SPOCK3: variants seen among roughly 807,000 people sequenced by gnomAD.
The protein encoded by SPOCK3 is testican-3.
Under a neutral mutation model 56.6 loss-of-function variants are expected in SPOCK3, and 30 were observed. The observed-to-expected ratio is 0.53, with a 90% confidence interval of 0.40 to 0.72. The LOEUF is 0.72. Among genes scored for constraint, SPOCK3 ranks in the 30% least tolerant of loss-of-function variants. SPOCK3 has a pLI of 0.00. For synonymous variants in SPOCK3, 196 were observed against 183.3 expected (o/e 1.07, Z -0.56); for missense variants, 527 against 530.0 (o/e 0.99, Z 0.06).
intron 2 of SPOCK3, among the ~76,000 whole-genome samples, chr4:167,211,727 C>A (rs1334924861): frequency 1.3e-5 from 2 of 152,186 alleles, no homozygotes; most frequent in East Asian, 3.8e-4. Context: ...GTTCATTAAA[C>A]CTCTTTCTTT....
At chr4:167,044,105 G>T (rs1346050189) in intron 3 of SPOCK3, among the ~76,000 whole-genome samples, 2 of 151,884 alleles carry the variant, frequency 1.3e-5, no homozygotes, top group Non-Finnish European at 2.9e-5. Flanking sequence ...ATTAATTTTT[G>T]ACTCAACATC....
intron 8 of SPOCK3, among the ~76,000 whole-genome samples, chr4:166,743,150 T>G (rs745959001): frequency 6.6e-6 from 1 of 152,076 alleles, no homozygotes; most frequent in African/African-American, 2.4e-5. Flanking sequence ...GAAAGCAGTT[T>G]AGTGCATTTT....
At chr4:166,897,860 T>C (rs929763612) in intron 5 of SPOCK3, among the ~76,000 whole-genome samples, 1 of 152,044 alleles carries the variant, frequency 6.6e-6, no homozygotes, top group African/African-American at 2.4e-5. Context: ...TGAACAAGGG[T>C]AGTGAAAGGC....
intron 5 of SPOCK3, among the ~76,000 whole-genome samples, chr4:166,911,573 T>C (rs901602681): frequency 6.6e-6 from 1 of 152,318 alleles, no homozygotes; most frequent in African/African-American, 2.4e-5. Context: ...GTTTTGCTCT[T>C]ATTGCCCAGG....
intron 6 of SPOCK3, among the ~76,000 whole-genome samples, 198 bp downstream of exon 6, chr4:166,888,927 CAAAAT>C (rs1734478098): frequency 6.6e-6 from 1 of 151,710 alleles, no homozygotes; most frequent in Non-Finnish European, 1.5e-5. Context: ...TTATTACTAT[CAAAAT>C]AAATAGAAAT....
At chr4:166,870,439 G>A (rs1173058038) in intron 6 of SPOCK3, among the ~76,000 whole-genome samples, 2 of 151,690 alleles carry the variant, frequency 1.3e-5, no homozygotes, top group East Asian at 3.9e-4. Context: ...CGTTCACCAA[G>A]ACAGAATACA....
intron 3 of SPOCK3, among the ~76,000 whole-genome samples, chr4:167,043,070 T>C (rs1329001507): frequency 6.6e-6 from 1 of 152,122 alleles, no homozygotes; most frequent in Admixed American, 6.6e-5. Flanking sequence ...GGTGGCATTA[T>C]ATAGCATGGA....
intron 3 of SPOCK3, among the ~76,000 whole-genome samples, chr4:167,011,703 A>G (rs1221266963): frequency 6.6e-6 from 1 of 152,054 alleles, no homozygotes; most frequent in Non-Finnish European, 1.5e-5. Context: ...ATAAACATCA[A>G]CTCATCAGCA....
In SPOCK3 at chr4:166,761,926, AT is replaced by A. The variant is rs1471668540; in HGVS notation, c.710-7198del. Among the ~76,000 whole-genome samples, 2 of 148,660 alleles carry A rather than the reference AT, an allele frequency of 1.3e-5. 1 individual carries two copies. Among genetic ancestry groups the A allele is most frequent in the Non-Finnish European group, 3.0e-5 (2 of 67,158 alleles). ...AAAAAAAAAAAAAAAAAAAAAAGAG[AT>A]TTGGGGGCTTGAAAAATTTACAATT... On this transcript the variant is annotated intron_variant, in intron 7 of 10. Transcript: ENST00000357545.
rs141923568 is a variant in SPOCK3, at chr4:166,792,703, ATAAT to A, written c.590-418_590-415del. ...TACCTCTTGTAAGATGTCACAATTT[ATAAT>A]TATTTATTCATATACTCAGTATATG... is the stretch of plus-strand genomic sequence containing the variant. On this transcript the variant is annotated intron_variant, in intron 6 of 10. Coordinates refer to ENST00000357545, the MANE Select transcript of SPOCK3 (RefSeq NM_001040159.2). Among the ~76,000 whole-genome samples the A allele has an allele frequency of 7.3e-3, 1,119 of 152,270 alleles. 9 individuals are homozygous for A. Among genetic ancestry groups the A allele is most frequent in the Non-Finnish European group, 0.012 (805 of 67,998 alleles).
chr4:167,053,887 G>T (rs77264133), intron 3 of SPOCK3, among the ~76,000 whole-genome samples: 8,303 of 151,916 alleles, frequency 0.055, 336 homozygotes, highest in African/African-American at 0.11. Context: ...CCCCAAAAAC[G>T]TGGAGGAGCA....
At chr4:166,828,767 C>G (rs1421319895) in intron 6 of SPOCK3, among the ~76,000 whole-genome samples, 1 of 151,990 alleles carries the variant, frequency 6.6e-6, no homozygotes, top group Non-Finnish European at 1.5e-5. Context: ...ATCACATACA[C>G]AGTGACTGTG....
intron 4 of SPOCK3, among the ~76,000 whole-genome samples, chr4:166,954,426 T>C (rs1743131337): frequency 6.6e-6 from 1 of 152,168 alleles, no homozygotes; most frequent in South Asian, 2.1e-4. Context: ...TCTAGTAGTT[T>C]CATAGTTTCT....
At chr4:166,964,816 C>T (rs181931003) in intron 4 of SPOCK3, among the ~76,000 whole-genome samples, 29 of 151,782 alleles carry the variant, frequency 1.9e-4, no homozygotes, top group African/African-American at 6.7e-4. Flanking sequence ...TAAGGAAATA[C>T]ATTTTATTTT....
intron 4 of SPOCK3, among the ~76,000 whole-genome samples, chr4:166,955,641 A>G (rs1186165860): frequency 1.4e-5 from 2 of 146,526 alleles, no homozygotes; most frequent in African/African-American, 4.9e-5. Flanking sequence ...ATTATATTAA[A>G]TTTAATTATA....
chr4:166,947,095 T>C (rs1357493399), intron 4 of SPOCK3, among the ~76,000 whole-genome samples: 1 of 152,152 alleles, frequency 6.6e-6, no homozygotes, highest in African/African-American at 2.4e-5. Flanking sequence ...TTTAAGAAAT[T>C]AGAAGTACCC....
At chr4:167,076,004 G>C (rs143923426) in intron 2 of SPOCK3, among the ~76,000 whole-genome samples, 23 of 151,920 alleles carry the variant, frequency 1.5e-4, no homozygotes, top group Admixed American at 5.3e-4. Flanking sequence ...TACATTGAGG[G>C]AAATATATTT....
chr4:167,167,392 A>G (rs769792618), intron 2 of SPOCK3, among the ~76,000 whole-genome samples: 1 of 152,202 alleles, frequency 6.6e-6, no homozygotes, highest in Non-Finnish European at 1.5e-5. Context: ...ATTCCTAATT[A>G]TAAGACATGA....
chr4:166,852,397 G>C (rs1374025651), intron 6 of SPOCK3, among the ~76,000 whole-genome samples: 1 of 152,040 alleles, frequency 6.6e-6, no homozygotes, highest in African/African-American at 2.4e-5. Context: ...GCCATGATAG[G>C]ATAGGAGGTC....
Sources: allele counts gnomAD v4.1 joint callset (sites outside exome capture counted in the v4.1 genomes callset), GRCh38; gene constraint gnomAD v4.1.1; transcripts MANE v1.5; gene names NCBI Gene and HGNC (gene_info 2026-07-23, HGNC 2026-07-21).